LYPD3: variants seen among roughly 807,000 people sequenced by gnomAD.
LYPD3 encodes the protein ly6/PLAUR domain-containing protein 3.
In LYPD3, 22 loss-of-function variants were observed where a neutral mutation model predicts 21.7. The ratio of observed to expected loss-of-function variants is 1.01; its 90% CI spans 0.72 to 1.45. The LOEUF (loss-of-function observed/expected upper bound fraction) is 1.45, where lower values mean the gene tolerates loss of function less well. Among genes scored for constraint, LYPD3 ranks in the 40% most tolerant of loss-of-function variants. The probability of loss-of-function intolerance (pLI) is 0.00; values close to 1 mark genes in which losing one functional copy is unlikely to be tolerated. For synonymous variants in LYPD3, 179 were observed against 203.0 expected (o/e 0.88, Z 1.00); for missense variants, 471 against 466.9 (o/e 1.01, Z -0.08).
rs867245061 is a variant in LYPD3, at chr19:43,464,039, G to A, written c.212-270C>T. On this transcript the variant is annotated intron_variant, in intron 2 of 4. Coordinates refer to ENST00000244333, the MANE Select transcript of LYPD3 (RefSeq NM_014400.3). ...CCTGGTTGACAGGCAGGGATGGGGA[G>A]GTCTCATTGGTGGAGCAGAAAAAGT... is the stretch of plus-strand genomic sequence containing the variant. 163 of 612,192 alleles carry A rather than the reference G, an allele frequency of 2.7e-4. No individual in the cohort carries two copies. The Middle Eastern group carries it at 5.3e-3, about 20-fold the overall frequency. The allele number at this position is 612,192 out of a possible 1,614,324, so 37.9% of individuals were successfully genotyped here. A position where few individuals can be genotyped will look rare whatever the true frequency, so the allele number is the denominator to read the frequency against.
At chr19:43,462,138 A>G (rs901469312) in intron 4 of LYPD3, among the ~76,000 whole-genome samples, 8 of 152,076 alleles carry the variant, frequency 5.3e-5, no homozygotes, top group African/African-American at 1.9e-4. Flanking sequence ...AAACAGACAG[A>G]CTCACTGTCT....
chr19:43,461,553 G>A lies in LYPD3; in HGVS notation c.839C>T (p.Pro280Leu), dbSNP rs370193926. 3.0e-5 allele frequency: 48 copies of A among 1,614,052 alleles called. No homozygotes were observed. Among genetic ancestry groups the A allele is most frequent in the East Asian group, 2.5e-4 (11 of 44,890 alleles). ...GGCCTCGTGTTCTACTCCCTGTCTC[G>A]GAGTCTGACTGGTTGGCGCTGGCAT... ...KPMPAPTSQT[P>L]RQGVEHEASR... Residue 280 changes from proline (P) to leucine (L), a missense_variant, in exon 5 of 5, where the codon CCG (proline) becomes CTG (leucine). Coordinates refer to ENST00000244333, the MANE Select transcript of LYPD3 (RefSeq NM_014400.3).
At chr19:43,463,369 C>G (rs1487632021) in intron 3 of LYPD3, 82 bp from the exon 4 acceptor site, 8 of 1,505,510 alleles carry the variant, frequency 5.3e-6, no homozygotes, top group Non-Finnish European at 7.2e-6. Flanking sequence ...CCCCTAAGGC[C>G]TGGCCCCGGC....
At chr19:43,464,787 CCA>C (rs903702345) in intron 1 of LYPD3, among the ~76,000 whole-genome samples, 3 of 151,980 alleles carry the variant, frequency 2.0e-5, no homozygotes, top group Non-Finnish European at 4.4e-5. Flanking sequence ...AGAACTTTTC[CCA>C]CAGTGTGTGG....
chr19:43,464,402 G>C lies in LYPD3; in HGVS notation c.134C>G (p.Ser45Cys), dbSNP rs746314355. Residue 45 changes from serine to cysteine, a missense_variant, in exon 2 of 5, where the codon TCC becomes TGC. Coordinates refer to ENST00000244333, the MANE Select transcript of LYPD3 (RefSeq NM_014400.3). Reference protein sequence around the residue: ...SCVQKADDGCSPNKMKTVKCA... With the variant: ...SCVQKADDGCCPNKMKTVKCA... The stretch of plus-strand genomic sequence containing the variant: ...CTTCACTGTCTTCATCTTGTTCGGG[G>C]AGCATCCGTCATCTGCTTTCTGCAC... 1 of 1,614,028 alleles carries C rather than the reference G, an allele frequency of 6.2e-7. No homozygotes were observed. Among genetic ancestry groups the C allele is most frequent in the Non-Finnish European group, 8.5e-7 (1 of 1,180,040 alleles).
rs1332476659 is a variant in LYPD3, at chr19:43,461,195, C to T, written c.*156G>A. 3.3e-6 allele frequency: 3 copies of T among 895,702 alleles called. No homozygotes were observed. The highest frequency in any genetic ancestry group is 2.7e-5 in the East Asian group (1 of 37,366). The allele number at this position is 895,702 out of a possible 1,614,324, so 55.5% of individuals were successfully genotyped here. A position where few individuals can be genotyped will look rare whatever the true frequency, so the allele number is the denominator to read the frequency against. ...TACAACGGTATTTTATTTCCCAAAG[C>T]CGCAAACCAGCGCAGCAGAAGCTGG... On this transcript the variant is annotated 3_prime_UTR_variant, in exon 5 of 5. Transcript: ENST00000244333.
In LYPD3 at chr19:43,463,585, C is replaced by T. The variant is rs566222829; in HGVS notation, c.382+14G>A. 7 of 1,598,642 alleles carry T rather than the reference C, an allele frequency of 4.4e-6. No homozygotes were observed. In the Middle Eastern group the frequency reaches 4.9e-4, roughly 113 times the overall value. ...TGGCTCCGCCCCCGCAGCTACGGCC[C>T]GGCCCCCACGGACCTGCCGGGTCGA... On this transcript the variant is annotated intron_variant, in intron 3 of 4. Transcript: ENST00000244333.
chr19:43,463,020 G>C (rs1044074349), intron 4 of LYPD3, 106 bp downstream of exon 4: 33 of 1,235,416 alleles, frequency 2.7e-5, no homozygotes, highest in Non-Finnish European at 3.5e-5. Flanking sequence ...CCCAGAATGC[G>C]TCGCAGGTTA....
intron 2 of LYPD3, chr19:43,464,121 C>T: frequency 1.3e-6 from 1 of 763,422 alleles, no homozygotes. Flanking sequence ...CCACCCAGTT[C>T]TCAACTCTCT....
chr19:43,463,437 T>C, intron 3 of LYPD3, 150 bp from the exon 4 acceptor site: 1 of 1,367,648 alleles, frequency 7.3e-7, no homozygotes, highest in Admixed American at 2.0e-5. Context: ...TCGCGGCGCC[T>C]ACAGCCAGAA....
rs780472259 is a variant in LYPD3, at chr19:43,465,478, G to A, written c.79+15C>T. 6.8e-5 allele frequency: 109 copies of A among 1,607,202 alleles called. No homozygotes were observed. The highest frequency in any genetic ancestry group is 8.7e-5 in the Non-Finnish European group (103 of 1,179,670). On this transcript the variant is annotated intron_variant, in intron 1 of 4. Transcript: ENST00000244333. ...CCCACTCTACCCCCTCCACCTCTCC[G>A]GGCAGCAGACCCACCTCCGCGAAGC...
intron 2 of LYPD3, 185 bp downstream of exon 2, chr19:43,464,140 C>T: frequency 1.2e-6 from 1 of 839,192 alleles, no homozygotes; most frequent in Non-Finnish European, 1.8e-6. Flanking sequence ...CTGCTCCTCG[C>T]GCTTGTAATT....
rs1399865924 is a variant in LYPD3, at chr19:43,465,506, C to A, written c.66G>T (p.Leu22=). The A allele has an allele frequency of 6.2e-7, 1 of 1,609,682 alleles. No homozygotes were observed. Among genetic ancestry groups the A allele is most frequent in the Middle Eastern group, 1.6e-4 (1 of 6,062 alleles). The change falls in exon 1 of 5, where the codon CTG becomes CTT. Residue 22 remains leucine (L), a synonymous_variant. Transcript: ENST00000244333. The part of the protein sequence containing the change: ...MIWTAGWLLL[L]LLRGGAQALE... ...CAGCAGACCCACCTCCGCGAAGCAG[C>A]AGCAGCAGCAGCCAGCCTGCAGTCC...
chr19:43,464,256 A>G (rs1055961883), intron 2 of LYPD3, 69 bp downstream of exon 2: 2 of 1,537,592 alleles, frequency 1.3e-6, no homozygotes, highest in Non-Finnish European at 8.7e-7. Context: ...TCCAGAAAGG[A>G]CTATAAGGAG....
rs1970815686 is a variant in LYPD3 at position 43,465,580 on chromosome 19, C to T, written c.-9G>A. The T allele has an allele frequency of 6.2e-7, 1 of 1,608,604 alleles. No homozygotes were observed. ...TTCCTGGCGGGGTCCATGGCTCCGT[C>T]CTGCTCCCTTGGCGTCCCCCCTGGA... On this transcript the variant is annotated 5_prime_UTR_variant, in exon 1 of 5. Coordinates refer to ENST00000244333, the MANE Select transcript of LYPD3 (RefSeq NM_014400.3).
At position 43,465,561 on chromosome 19, in the gene LYPD3, G is replaced by C. The variant is rs200130720; in HGVS notation, c.11C>G (p.Ala4Gly). MDP[A>G]RKAGAQAMIW... ...CATGGCCTGGGCACCTGCTTTCCTGGCGGGGTCCATGGCTCCGTCCTGCTC... is the reference window on the plus strand; with the variant it reads ...CATGGCCTGGGCACCTGCTTTCCTGCCGGGGTCCATGGCTCCGTCCTGCTC... The change falls in exon 1 of 5, where the codon GCC becomes GGC. Residue 4 changes from alanine to glycine, a missense_variant. Coordinates refer to ENST00000244333, the MANE Select transcript of LYPD3 (RefSeq NM_014400.3). The C allele has an allele frequency of 6.2e-7, 1 of 1,610,150 alleles. No homozygotes were observed. Among genetic ancestry groups the C allele is most frequent in the African/African-American group, 1.3e-5 (1 of 74,948 alleles).
Position 43,463,196 on chromosome 19 carries a change from G to C in LYPD3, c.474C>G (p.Val158=). The change falls in exon 4 of 5, where the codon GTC becomes GTG. Residue 158 remains valine, a synonymous_variant. Coordinates refer to ENST00000244333, the MANE Select transcript of LYPD3 (RefSeq NM_014400.3). ...GATCGCTGGCGTTGTAGCAGCTCACGACCGGCGGCGATGTACCCTGGCACG... is the reference window on the plus strand; with the variant it reads ...GATCGCTGGCGTTGTAGCAGCTCACCACCGGCGGCGATGTACCCTGGCACG... The part of the protein sequence containing the change: ...REACQGTSPP[V]VSCYNASDHV... 7 of 1,610,900 alleles carry C rather than the reference G, an allele frequency of 4.3e-6. No individual in the cohort carries two copies. The highest frequency in any genetic ancestry group is 5.9e-6 in the Non-Finnish European group (7 of 1,180,002).
Position 43,461,616 on chromosome 19 carries a change from G to A in LYPD3, c.776C>T (p.Thr259Ile). Residue 259 changes from threonine to isoleucine, a missense_variant, in exon 5 of 5, where the codon ACC becomes ATC. Transcript: ENST00000244333. ...GGATGTGGGTCTCACTGGGGCCGAG[G>A]TAGAAGTGGTGACAGATGTGGTTGA... is the stretch of plus-strand genomic sequence containing the variant. ...VASTTSVTTS[T>I]SAPVRPTSTT... 6.2e-7 allele frequency: 1 copy of A among 1,614,172 alleles called. No individual in the cohort carries two copies. Among genetic ancestry groups the A allele is most frequent in the East Asian group, 2.2e-5 (1 of 44,882 alleles).
chr19:43,461,113 G>T lies in LYPD3; in HGVS notation c.*238C>A. The T allele has an allele frequency of 3.7e-6, 2 of 535,338 alleles. No homozygotes were observed. Among genetic ancestry groups the T allele is most frequent in the Non-Finnish European group, 6.6e-6 (2 of 301,518 alleles). 33.2% of individuals were successfully genotyped at this position (535,338 alleles called of 1,614,324 possible). On this transcript the variant is annotated 3_prime_UTR_variant, in exon 5 of 5. Transcript: ENST00000244333. ...ACAAGAGGACAAGCGGAGAGACAAG[G>T]ATGAGAAGGATACAGGAGCTGTCCT...
Sources: gnomAD v4.1 joint callset for allele counts (sites outside exome capture counted in the v4.1 genomes callset) on GRCh38, gnomAD v4.1.1 for gene constraint, MANE v1.5 for transcripts, NCBI Gene and HGNC (gene_info 2026-07-23, HGNC 2026-07-21) for gene names.